Variants in ATP8B1 observed in about 807,000 individuals in gnomAD.
ATP8B1 encodes the protein phospholipid-transporting ATPase IC.
A neutral mutation model predicts 149.9 loss-of-function variants in ATP8B1; 80 were observed. The observed-to-expected ratio is 0.53, with a 90% CI of 0.45 to 0.64. The LOEUF (loss-of-function observed/expected upper bound fraction) is 0.64. Among genes scored for constraint, ATP8B1 ranks in the 30% least tolerant of loss-of-function variants. The pLI is 0.00. For missense variants in ATP8B1, 1,247 were observed against 1,552.6 expected (o/e 0.80, Z 3.31); for synonymous variants, 536 against 562.8 (o/e 0.95, Z 0.67).
At chr18:57,727,320 A>T (rs1599160930) in intron 2 of ATP8B1, among the ~76,000 whole-genome samples, 2 of 152,176 alleles carry the variant, frequency 1.3e-5, no homozygotes, top group African/African-American at 4.8e-5. Flanking sequence ...CCGAAAATGG[A>T]AAATTCATCT....
At chr18:57,761,095 TAAAAAATAAAATAAAATATAAAATAAA>T (rs2080150548) in intron 1 of ATP8B1, among the ~76,000 whole-genome samples, 2 of 96,272 alleles carry the variant, frequency 2.1e-5, no homozygotes, top group East Asian at 2.5e-4. Flanking sequence ...TAAAATAAAA[TAAAAAATAAAATAAAATATAAAATAAA>T]ATAAAATAAA....
Position 57,661,279 on chromosome 18 carries a change from C to G in ATP8B1, c.2602G>C (p.Val868Leu). Reference sequence around the variant, plus strand: ...ACCATGGCCTTCTGCTTGGGGGTGACGCGGCAGCAGATGACTGCGCTGCAC... The same window carrying G: ...ACCATGGCCTTCTGCTTGGGGGTGAGGCGGCAGCAGATGACTGCGCTGCAC... ...CECSAVICCR[V>L]TPKQKAMVVD... The change falls in exon 22 of 28, where the codon GTC becomes CTC. Residue 868 changes from valine to leucine, a missense_variant. Val to Leu is a conservative substitution (Grantham distance 32). Coordinates refer to ENST00000648908, the MANE Select transcript of ATP8B1 (RefSeq NM_001374385.1). The G allele has an allele frequency of 6.2e-7, 1 of 1,613,908 alleles. No individual in the cohort carries two copies.
intron 1 of ATP8B1, among the ~76,000 whole-genome samples, chr18:57,794,350 A>G (rs1310729131): frequency 6.6e-6 from 1 of 151,914 alleles, no homozygotes; most frequent in Non-Finnish European, 1.5e-5. Flanking sequence ...CAGGACACCT[A>G]TAAGCACATT....
rs781200965 is a variant in ATP8B1 at position 57,793,289 on chromosome 18, G to A, written c.-26+9709C>T. ...AAAAGTTGCACGTATGCCTGTGTCC[G>A]ATCCCATTCTCTCTGTGTCCTTTCT... On this transcript the variant is annotated intron_variant, in intron 1 of 27. Coordinates refer to ENST00000648908, the MANE Select transcript of ATP8B1 (RefSeq NM_001374385.1). Among the ~76,000 whole-genome samples, 3 of 152,042 alleles carry A rather than the reference G, an allele frequency of 2.0e-5. No homozygotes were observed. In the East Asian group the frequency reaches 5.8e-4, roughly 29 times the overall value.
At chr18:57,649,931 G>C (rs1909492661) in intron 27 of ATP8B1, among the ~76,000 whole-genome samples, 1 of 152,124 alleles carries the variant, frequency 6.6e-6, no homozygotes, top group African/African-American at 2.4e-5. Flanking sequence ...TCAATCAACT[G>C]GGCCTGAAGC....
intron 1 of ATP8B1, among the ~76,000 whole-genome samples, chr18:57,795,993 AC>A: frequency 6.6e-6 from 1 of 152,066 alleles, no homozygotes; most frequent in Non-Finnish European, 1.5e-5. Context: ...ACATGGTGAA[AC>A]CCTGTCTCTA....
rs35393039 is a variant in ATP8B1 at position 57,695,546 on chromosome 18, G to GA, written c.699-15dup. The GA allele has an allele frequency of 5.0e-6, 8 of 1,590,530 alleles. No individual in the cohort carries two copies. In the South Asian group the frequency reaches 5.5e-5, roughly 11 times the overall value. ...AAATTGGTTTCTCTAAAGGAATGGG[G>GA]AAAAAATGAATTAAATGAACAAATT... On this transcript the variant is annotated splice_polypyrimidine_tract_variant and intron_variant, in intron 8 of 27. Transcript: ENST00000648908.
intron 1 of ATP8B1, among the ~76,000 whole-genome samples, chr18:57,793,481 A>C (rs1457732772): frequency 6.6e-6 from 1 of 151,324 alleles, no homozygotes; most frequent in Admixed American, 6.6e-5. Flanking sequence ...AGATCACACC[A>C]CTCCAAGGAG....
intron 2 of ATP8B1, among the ~76,000 whole-genome samples, chr18:57,719,758 A>G (rs1320048037): frequency 6.6e-6 from 1 of 152,230 alleles, no homozygotes; most frequent in Non-Finnish European, 1.5e-5. Context: ...GGAGCCCACC[A>G]CAGCTCAGAG....
intron 1 of ATP8B1, among the ~76,000 whole-genome samples, chr18:57,758,768 A>G (rs9952056): frequency 0.063 from 9,620 of 152,142 alleles, 626 homozygotes; most frequent in East Asian, 0.26. Context: ...AATATCTCCT[A>G]TAATCACTAG....
intron 6 of ATP8B1, among the ~76,000 whole-genome samples, chr18:57,698,096 T>C (rs1912915047): frequency 6.6e-6 from 1 of 152,156 alleles, no homozygotes; most frequent in African/African-American, 2.4e-5. Context: ...ATCTAGGTCA[T>C]GTAAGGAAGA....
chr18:57,652,543 C>T lies in ATP8B1; in HGVS notation c.3202G>A (p.Asp1068Asn), dbSNP rs991453254. Reference protein sequence around the residue: ...TVGQDGEAPSDYQSFAVTIAS... With the variant: ...TVGQDGEAPSNYQSFAVTIAS... ...ATGGTGACGGCAAAAGACTGGTAGTCGGAAGGTGCCTCTCCATCCTGCCCT... is the reference window on the plus strand; with the variant it reads ...ATGGTGACGGCAAAAGACTGGTAGTTGGAAGGTGCCTCTCCATCCTGCCCT... The change falls in exon 25 of 28, where the codon GAC becomes AAC. Residue 1068 changes from aspartate (D) to asparagine (N), a missense_variant. Around this residue, in one of 3 missense-constraint regions of ATP8B1, gnomAD observed 230 missense variants for 356.6 expected, o/e 0.65. Transcript: ENST00000648908. 2.0e-5 allele frequency: 33 copies of T among 1,614,008 alleles called. No individual in the cohort carries two copies. The highest frequency in any genetic ancestry group is 2.5e-5 in the Non-Finnish European group (30 of 1,180,012).
intron 1 of ATP8B1, among the ~76,000 whole-genome samples, chr18:57,763,305 T>G (rs1199080869): frequency 4.6e-5 from 7 of 151,984 alleles, no homozygotes; most frequent in Admixed American, 4.6e-4. Flanking sequence ...GGCAGGAGAT[T>G]CGCTTGAACC....
At chr18:57,661,847 C>G (rs1398248223) in intron 21 of ATP8B1, among the ~76,000 whole-genome samples, 1 of 150,830 alleles carries the variant, frequency 6.6e-6, no homozygotes, top group African/African-American at 2.4e-5. Context: ...CCCGAGTAGC[C>G]GGGACTACAG....
At chr18:57,683,520 T>C (rs1427823415) in intron 15 of ATP8B1, among the ~76,000 whole-genome samples, 1 of 152,226 alleles carries the variant, frequency 6.6e-6, no homozygotes, top group Non-Finnish European at 1.5e-5. Flanking sequence ...ACATTAATTA[T>C]GCTCCTTTAA....
intron 4 of ATP8B1, 79 bp downstream of exon 4, chr18:57,704,476 T>C (rs1913286471): frequency 1.0e-6 from 1 of 986,350 alleles, no homozygotes; most frequent in Non-Finnish European, 1.6e-6. Flanking sequence ...TCAAGATTAT[T>C]CACATTATAT....
At chr18:57,669,550 T>A (rs574830327) in intron 17 of ATP8B1, 68 bp from the exon 18 acceptor site, 1 of 1,454,500 alleles carries the variant, frequency 6.9e-7, no homozygotes, top group African/African-American at 1.4e-5. Context: ...CAGGATCAAG[T>A]CTGAAATTTT....
At chr18:57,693,306 G>A (rs1324601925) in intron 11 of ATP8B1, among the ~76,000 whole-genome samples, 3 of 152,178 alleles carry the variant, frequency 2.0e-5, no homozygotes, top group South Asian at 4.1e-4. Context: ...AACATAGCAG[G>A]TCTGAGACTG....
At chr18:57,671,439 C>A (rs1346959200) in intron 17 of ATP8B1, 29 bp downstream of exon 17, 1 of 1,543,570 alleles carries the variant, frequency 6.5e-7, no homozygotes, top group East Asian at 2.2e-5. Flanking sequence ...TTCAGAATCC[C>A]TTGCAGAAAG....
Sources: gnomAD v4.1 joint callset for allele counts (sites outside exome capture counted in the v4.1 genomes callset) on GRCh38, gnomAD v4.1.1 for gene constraint, gnomAD v4.1.1 regional missense constraint, MANE v1.5 for transcripts, NCBI Gene and HGNC (gene_info 2026-07-23, HGNC 2026-07-21) for gene names.